Variants in BCLAF3 observed in about 807,000 individuals in gnomAD.
BCLAF3 encodes BCLAF1 and THRAP3 family member 3.
Under a neutral mutation model 51.2 loss-of-function variants are expected in BCLAF3, and 24 were observed. That is an observed-to-expected ratio of 0.47 (90% CI 0.34 to 0.66). The LOEUF is 0.66. Ranked by LOEUF, BCLAF3 falls within the 30% of genes least tolerant of loss-of-function variation. The pLI is 0.01. For missense variants in BCLAF3, 465 were observed against 525.1 expected, an observed-to-expected ratio of 0.89 and a Z score of 1.12; for synonymous variants, 152 against 176.6, an observed-to-expected ratio of 0.86 and a Z score of 1.10.
At chrX:19,964,161 T>G (rs2071960253) in intron 4 of BCLAF3, among the ~76,000 whole-genome samples, 1 of 111,958 alleles carries the variant, frequency 8.9e-6, no homozygotes, top group Non-Finnish European at 1.9e-5. Flanking sequence ...AGCATGAATA[T>G]AAACATACCA....
chrX:19,971,213 G>C (rs768751086), intron 1 of BCLAF3, among the ~76,000 whole-genome samples: 13 of 111,977 alleles, frequency 1.2e-4, no homozygotes, highest in Non-Finnish European at 2.1e-4. Context: ...CTCCCAGGTA[G>C]CTGGGACCAC....
intron 1 of BCLAF3, among the ~76,000 whole-genome samples, chrX:19,975,236 T>C (rs1360578227): frequency 1.2e-5 from 1 of 86,465 alleles, no homozygotes; most frequent in East Asian, 2.9e-4. Flanking sequence ...CATTTTAAAG[T>C]GTTGTTAAAA....
intron 4 of BCLAF3, among the ~76,000 whole-genome samples, chrX:19,960,610 A>G (rs2071818682): frequency 8.9e-6 from 1 of 112,165 alleles, no homozygotes; most frequent in Non-Finnish European, 1.9e-5. Flanking sequence ...AGGTTTGGGT[A>G]TAAAAAATAT....
intron 6 of BCLAF3, 57 bp from the exon 7 acceptor site, chrX:19,953,108 A>T (rs1281386928): frequency 1.1e-6 from 1 of 909,665 alleles, no homozygotes; most frequent in South Asian, 2.3e-5. Flanking sequence ...TGATACCCTG[A>T]TTCTACTATT....
intron 8 of BCLAF3, among the ~76,000 whole-genome samples, chrX:19,938,585 C>T (rs897308241): frequency 2.7e-5 from 3 of 112,097 alleles, no homozygotes; most frequent in Non-Finnish European, 5.6e-5. Flanking sequence ...TTAGTAGACA[C>T]GGGGTTTCAC....
At chrX:19,954,901 C>A (rs888472793) in intron 5 of BCLAF3, among the ~76,000 whole-genome samples, 1 of 111,663 alleles carries the variant, frequency 9.0e-6, no homozygotes, top group Non-Finnish European at 1.9e-5. Flanking sequence ...GTATTTATTA[C>A]GCAACTCCCA....
chrX:19,957,711 T>C (rs1032969998), intron 4 of BCLAF3, among the ~76,000 whole-genome samples: 1 of 112,175 alleles, frequency 8.9e-6, no homozygotes, highest in East Asian at 2.8e-4. Flanking sequence ...TTTAAACTTG[T>C]TATCCATTAA....
Position 19,913,710 on chromosome X carries a change from T to A in BCLAF3, c.*3595A>T, listed in dbSNP as rs747283536. Reference sequence around the variant, plus strand: ...GTATTAAGGTCAAGGAAAAAAAAGATTGTGGAAAAACTTAAGGTTGGTCAC... The same window carrying A: ...GTATTAAGGTCAAGGAAAAAAAAGAATGTGGAAAAACTTAAGGTTGGTCAC... On this transcript the variant is annotated 3_prime_UTR_variant, in exon 12 of 12. Coordinates refer to ENST00000379682, the MANE Select transcript of BCLAF3 (RefSeq NM_001367774.2). 9.0e-6 allele frequency: 1 copy of A among 111,680 alleles called. No individual in the cohort carries two copies. The highest frequency in any genetic ancestry group is 3.3e-5 in the African/African-American group (1 of 30,658). 9.2% of individuals were successfully genotyped at this position (111,680 alleles called of 1,213,427 possible). A position where few individuals can be genotyped will look rare whatever the true frequency, so the allele number is the denominator to read the frequency against.
rs187142003 is a variant in BCLAF3, at chrX:19,916,114, C to A, written c.*1191G>T. ...TCATGAAAAACCAAGTTCTTATCAA[C>A]CTTCACATTTTAATTTTGAAAGCTC... On this transcript the variant is annotated 3_prime_UTR_variant, in exon 12 of 12. Transcript: ENST00000379682. 8.9e-6 allele frequency: 1 copy of A among 112,046 alleles called. No homozygotes were observed. Among genetic ancestry groups the A allele is most frequent in the Non-Finnish European group, 1.9e-5 (1 of 53,134 alleles). 9.2% of individuals were successfully genotyped at this position (112,046 alleles called of 1,213,427 possible).
chrX:19,927,087 C>T (rs188278151), intron 11 of BCLAF3, among the ~76,000 whole-genome samples: 3 of 110,506 alleles, frequency 2.7e-5, no homozygotes, highest in East Asian at 5.7e-4. Flanking sequence ...ATTAGCTGGG[C>T]GTGGTGGCAG....
rs2070045507 is a variant in BCLAF3, at chrX:19,919,294, T to C, written c.2107-1960A>G. ...TACCATATTGATTTTCTCTTCCCTT[T>C]AGGCATTAACCATCTGTGAAGTTAA... On this transcript the variant is annotated intron_variant, in intron 11 of 11. Coordinates refer to ENST00000379682, the MANE Select transcript of BCLAF3 (RefSeq NM_001367774.2). Among the ~76,000 whole-genome samples, 3 of 112,298 alleles carry C rather than the reference T, an allele frequency of 2.7e-5. No individual in the cohort carries two copies. The South Asian group carries it at 1.1e-3, about 41-fold the overall frequency.
At position 19,966,166 on chromosome X, in the gene BCLAF3, C is replaced by A; in HGVS notation, c.525G>T (p.Arg175Ser). The A allele has an allele frequency of 1.7e-6, 2 of 1,211,080 alleles. No individual in the cohort carries two copies. The highest frequency in any genetic ancestry group is 5.9e-5 in the East Asian group (2 of 33,836). Reference protein sequence around the residue: ...FEGKWHEDELRHQRIQEEKYS... With the variant: ...FEGKWHEDELSHQRIQEEKYS... ...ATTTTTCTTCTTGTATCCTCTGGTG[C>A]CTCAACTCATCTTCATGCCACTTTC... Residue 175 changes from arginine to serine, a missense_variant, in exon 3 of 12, where the codon AGG (arginine) becomes AGT (serine). Arg to Ser is a moderately radical substitution (Grantham distance 110, BLOSUM62 -1). Coordinates refer to ENST00000379682, the MANE Select transcript of BCLAF3 (RefSeq NM_001367774.2).
intron 4 of BCLAF3, among the ~76,000 whole-genome samples, chrX:19,961,923 C>G (rs1414418242): frequency 8.9e-6 from 1 of 111,966 alleles, no homozygotes; most frequent in Non-Finnish European, 1.9e-5. Flanking sequence ...TGAGATTTCA[C>G]AAAATCATAG....
intron 4 of BCLAF3, among the ~76,000 whole-genome samples, chrX:19,959,334 C>T (rs2048622770): frequency 9.0e-6 from 1 of 111,406 alleles, no homozygotes; most frequent in Non-Finnish European, 1.9e-5. Context: ...TAATCGTATG[C>T]AGCTCTACAG....
intron 5 of BCLAF3, among the ~76,000 whole-genome samples, chrX:19,954,429 A>G (rs746941420): frequency 4.5e-5 from 5 of 112,248 alleles, no homozygotes; most frequent in African/African-American, 6.5e-5. Flanking sequence ...GGATACAGAG[A>G]AAGAGAATAC....
chrX:19,968,518 C>T (rs1333968533), intron 2 of BCLAF3, among the ~76,000 whole-genome samples: 1 of 112,940 alleles, frequency 8.9e-6, no homozygotes, highest in African/African-American at 3.2e-5. Context: ...AAGCTCGCTG[C>T]CTCACGGCAT....
intron 4 of BCLAF3, among the ~76,000 whole-genome samples, chrX:19,962,933 T>G (rs1456555918): frequency 1.8e-5 from 2 of 108,282 alleles, no homozygotes; most frequent in African/African-American, 6.7e-5. Context: ...AAAATAATTT[T>G]TATTAGCTGG....
Position 19,966,549 on chromosome X carries a change from C to T in BCLAF3, c.142G>A (p.Ala48Thr), listed in dbSNP as rs200445357. 152 of 1,209,204 alleles carry T rather than the reference C, an allele frequency of 1.3e-4. No individual in the cohort carries two copies. The highest frequency in any genetic ancestry group is 3.1e-4 in the Admixed American group (14 of 45,583). The change falls in exon 3 of 12, where the codon GCG becomes ACG. Residue 48 changes from alanine (A) to threonine (T), a missense_variant. By Grantham distance (58) the Ala-to-Thr change is moderately conservative (BLOSUM62 0). Transcript: ENST00000379682. Reference protein sequence around the residue: ...EYRKDPKRPVAWRMDSEKHGQ... With the variant: ...EYRKDPKRPVTWRMDSEKHGQ... ...TGTTTCTCACTGTCCATTCTCCACG[C>T]GACGGGTCTTTTTGGATCCTTCCTA...
At chrX:19,953,956 T>C (rs1191697144) in intron 5 of BCLAF3, 64 bp from the exon 6 acceptor site, 1 of 1,146,918 alleles carries the variant, frequency 8.7e-7, no homozygotes, top group Non-Finnish European at 1.2e-6. Context: ...AGATTACATA[T>C]AAGCACAGAA....
Sources: allele counts gnomAD v4.1 joint callset (sites outside exome capture counted in the v4.1 genomes callset), GRCh38; gene constraint gnomAD v4.1.1; transcripts MANE v1.5; gene names NCBI Gene and HGNC (gene_info 2026-07-23, HGNC 2026-07-21).